Variants in CNOT6 observed in about 807,000 individuals in gnomAD.
CNOT6 encodes the protein CCR4-NOT transcription complex subunit 6, also known as carbon catabolite repression 4 protein.
A neutral mutation model predicts 61.2 loss-of-function variants in CNOT6; 12 were observed. The observed-to-expected ratio is 0.20, with a 90% CI of 0.13 to 0.32. CNOT6 has a LOEUF of 0.32. CNOT6 is among the 10% of genes least tolerant of loss of function. CNOT6 has a pLI of 1.00. For synonymous variants in CNOT6, 225 were observed against 240.6 expected, an observed-to-expected ratio of 0.94 and a Z score of 0.60; for missense variants, 405 against 663.9, an observed-to-expected ratio of 0.61 and a Z score of 4.28.
chr5:180,574,186 C>T lies in CNOT6; in HGVS notation c.1660C>T (p.Pro554Ser). The T allele has an allele frequency of 1.2e-6, 2 of 1,613,510 alleles. No homozygotes were observed. Among genetic ancestry groups the T allele is most frequent in the Non-Finnish European group, 8.5e-7 (1 of 1,179,828 alleles). ...FLPQVNGIHL[P>S]GRR ...GCCCCAAGTCAACGGCATCCACCTT[C>T]CTGGCAGGAGGTAGTCAAGCACCTT... is the stretch of plus-strand genomic sequence containing the variant. The change falls in exon 12 of 12, where the codon CCT becomes TCT. Residue 554 changes from proline to serine, a missense_variant. Pro to Ser is a moderately conservative substitution (Grantham distance 74, BLOSUM62 -1). Around this residue, in one of 5 missense-constraint regions of CNOT6, gnomAD observed 52 missense variants for 69.3 expected, o/e 0.75. Transcript: ENST00000261951.
intron 4 of CNOT6, among the ~76,000 whole-genome samples, chr5:180,558,500 A>G (rs1478116288): frequency 7.0e-6 from 1 of 142,592 alleles, no homozygotes; most frequent in Non-Finnish European, 1.6e-5. Flanking sequence ...CTCCTTCGGC[A>G]GAAACACCTT....
At chr5:180,544,202 G>A (rs1442690861) in intron 2 of CNOT6, among the ~76,000 whole-genome samples, 1 of 152,146 alleles carries the variant, frequency 6.6e-6, no homozygotes, top group African/African-American at 2.4e-5. Context: ...AAAACTCACA[G>A]GAAATCATGA....
At chr5:180,523,293 G>T (rs1249072568) in intron 1 of CNOT6, among the ~76,000 whole-genome samples, 1 of 152,162 alleles carries the variant, frequency 6.6e-6, no homozygotes, top group Non-Finnish European at 1.5e-5. Context: ...AGGTTAAGTA[G>T]AGATGGCTTT....
At chr5:180,543,145 G>A (rs1759130722) in intron 2 of CNOT6, among the ~76,000 whole-genome samples, 1 of 152,020 alleles carries the variant, frequency 6.6e-6, no homozygotes, top group Non-Finnish European at 1.5e-5. Context: ...TGCAAGCTCT[G>A]CCTCCTGGGT....
chr5:180,556,380 A>G (rs1759892948), intron 4 of CNOT6, among the ~76,000 whole-genome samples: 1 of 152,190 alleles, frequency 6.6e-6, no homozygotes, highest in Non-Finnish European at 1.5e-5. Context: ...GTTAATAATA[A>G]TGTGTATTTT....
chr5:180,520,911 C>T (rs543154318), intron 1 of CNOT6, among the ~76,000 whole-genome samples: 1 of 151,514 alleles, frequency 6.6e-6, no homozygotes, highest in East Asian at 2.0e-4. Context: ...GTGGCGCAAC[C>T]TCAGCTCATT....
chr5:180,539,548 G>GTTTTTTTTTTT (rs1561648866), intron 2 of CNOT6, among the ~76,000 whole-genome samples: 1 of 45,826 alleles, frequency 2.2e-5, no homozygotes, highest in Non-Finnish European at 4.7e-5. Flanking sequence ...TACTTTTTCT[G>GTTTTTTTTTTT]TTCTTTTTTT....
At chr5:180,531,245 AGAGGGGCTCCTCACTTCTCAGACGGGGTG>A in intron 2 of CNOT6, among the ~76,000 whole-genome samples, 2 of 148,964 alleles carry the variant, frequency 1.3e-5, no homozygotes. Context: ...GCTGCCGGGC[AGAGGGGCTCCTCACTTCTCAGACGGGGTG>A]GCCGGTCAGA....
At chr5:180,512,335 A>G (rs972978862) in intron 1 of CNOT6, among the ~76,000 whole-genome samples, 1 of 152,222 alleles carries the variant, frequency 6.6e-6, no homozygotes, top group African/African-American at 2.4e-5. Context: ...GTATCACTAA[A>G]TGCTTGGAGA....
At chr5:180,514,864 G>A (rs751673014) in intron 1 of CNOT6, among the ~76,000 whole-genome samples, 1 of 151,816 alleles carries the variant, frequency 6.6e-6, no homozygotes, top group African/African-American at 2.4e-5. Flanking sequence ...CCTGATTTTG[G>A]TTGTGAAGAA....
Position 180,566,228 on chromosome 5 carries a change from C to T in CNOT6, c.717+251C>T, listed in dbSNP as rs188535035. On this transcript the variant is annotated intron_variant, in intron 7 of 11. Transcript: ENST00000261951. Reference sequence around the variant, plus strand: ...ATACTCACCTTCCTCCTCCCTCCAGCGTCCCTGCACTATTTTTGAATTGGG... The same window carrying T: ...ATACTCACCTTCCTCCTCCCTCCAGTGTCCCTGCACTATTTTTGAATTGGG... 6.6e-5 allele frequency among the ~76,000 whole-genome samples: 10 copies of T among 152,332 alleles called. No individual in the cohort carries two copies. The East Asian group carries it at 1.9e-3, about 29-fold the overall frequency.
chr5:180,535,158 G>A (rs1379045326), intron 2 of CNOT6, among the ~76,000 whole-genome samples: 2 of 152,286 alleles, frequency 1.3e-5, no homozygotes, highest in Non-Finnish European at 2.9e-5. Flanking sequence ...TGCACACCCA[G>A]CCATCTGGCT....
rs1394708631 is a variant in CNOT6 at position 180,565,822 on chromosome 5, T to C, written c.562T>C (p.Leu188=). The C allele has an allele frequency of 1.9e-6, 3 of 1,581,888 alleles. No homozygotes were observed. Among genetic ancestry groups the C allele is most frequent in the African/African-American group, 1.4e-5 (1 of 74,052 alleles). The change falls in exon 7 of 12, where the codon TTG becomes CTG. Residue 188 remains leucine (L), a splice_region_variant and synonymous_variant. Transcript: ENST00000261951. ...AAGTAAAGTTATCTTTCCTACAGCC[T>C]TGTTTTCTGTCATGTGCTATAATGT... ...QEPDRTRPTA[L]FSVMCYNVLC... is the part of the protein sequence containing the mutation.
intron 1 of CNOT6, among the ~76,000 whole-genome samples, chr5:180,521,131 G>A (rs1442620398): frequency 2.6e-5 from 4 of 152,106 alleles, no homozygotes; most frequent in Non-Finnish European, 5.9e-5. Context: ...GAGACACCGC[G>A]CCTGGCACAT....
chr5:180,528,623 T>C (rs2127719865), intron 1 of CNOT6, among the ~76,000 whole-genome samples: 1 of 152,322 alleles, frequency 6.6e-6, no homozygotes, highest in African/African-American at 2.4e-5. Flanking sequence ...CCGATTCTTT[T>C]ATTTTCTAAT....
intron 3 of CNOT6, among the ~76,000 whole-genome samples, chr5:180,552,508 T>C (rs902742654): frequency 2.6e-5 from 4 of 151,440 alleles, no homozygotes; most frequent in South Asian, 2.1e-4. Flanking sequence ...TAGCTGGGTG[T>C]GGTGGCAGGC....
chr5:180,570,159 A>G (rs2127766742), intron 10 of CNOT6, among the ~76,000 whole-genome samples: 1 of 152,250 alleles, frequency 6.6e-6, no homozygotes, highest in African/African-American at 2.4e-5. Context: ...GCAGTTCGAG[A>G]CCAACCTGGC....
chr5:180,568,578 A>T (rs1053436641), intron 9 of CNOT6, among the ~76,000 whole-genome samples: 1 of 151,398 alleles, frequency 6.6e-6, no homozygotes, highest in African/African-American at 2.4e-5. Flanking sequence ...AAATATAAAT[A>T]AATAAATACA....
chr5:180,511,818 C>G (rs1207167414), intron 1 of CNOT6, among the ~76,000 whole-genome samples: 1 of 151,974 alleles, frequency 6.6e-6, no homozygotes, highest in African/African-American at 2.4e-5. Flanking sequence ...GACAGGTTCT[C>G]TCTCTGTTGC....
Sources: gnomAD v4.1 joint callset for allele counts (sites outside exome capture counted in the v4.1 genomes callset) on GRCh38, gnomAD v4.1.1 for gene constraint, gnomAD v4.1.1 regional missense constraint, MANE v1.5 for transcripts, NCBI Gene and HGNC (gene_info 2026-07-23, HGNC 2026-07-21) for gene names.